Variants in CSMD2 observed in about 807,000 individuals in gnomAD.
The protein encoded by CSMD2 is CUB and Sushi multiple domains 2.
Under a neutral mutation model 398.5 loss-of-function variants are expected in CSMD2, and 130 were observed. The observed-to-expected ratio is 0.33, with a 90% confidence interval of 0.28 to 0.38. CSMD2 has a LOEUF of 0.38. Among genes scored for constraint, CSMD2 ranks in the 10% least tolerant of loss-of-function variants. The pLI, the probability that CSMD2 is intolerant of heterozygous loss-of-function variation, is 1.00. For missense variants in CSMD2, 3,829 were observed against 4,764.9 expected (o/e 0.80, Z 5.78); for synonymous variants, 1,828 against 1,908.5 (o/e 0.96, Z 1.10).
At chr1:33,525,428 G>A (rs28419044) in intron 65 of CSMD2, among the ~76,000 whole-genome samples, 24,635 of 152,184 alleles carry the variant, frequency 0.16, 2,527 homozygotes, top group East Asian at 0.37. Context: ...AGGACATTAT[G>A]TTAAGTGGAA....
intron 25 of CSMD2, among the ~76,000 whole-genome samples, chr1:33,680,837 G>T (rs1571205230): frequency 6.7e-6 from 1 of 149,144 alleles, no homozygotes. Context: ...AAACCACTGA[G>T]ATTTGGGGGT....
chr1:33,730,153 A>G (rs1646674243), intron 15 of CSMD2, among the ~76,000 whole-genome samples: 3 of 152,210 alleles, frequency 2.0e-5, no homozygotes, highest in South Asian at 2.1e-4. Context: ...ATTCTATATA[A>G]TATCATGGAG....
intron 5 of CSMD2, among the ~76,000 whole-genome samples, chr1:33,879,688 G>A (rs1195381516): frequency 2.0e-5 from 3 of 152,248 alleles, no homozygotes; most frequent in East Asian, 1.9e-4. Context: ...CATGAGCATT[G>A]GTTTTAGATG....
chr1:33,799,995 T>G (rs1655405192), intron 10 of CSMD2, among the ~76,000 whole-genome samples: 1 of 152,222 alleles, frequency 6.6e-6, no homozygotes, highest in Non-Finnish European at 1.5e-5. Context: ...TTCAGCATCT[T>G]GGCTTGGAAA....
At chr1:33,520,652 G>GGGGA (rs1426521240) in intron 68 of CSMD2, among the ~76,000 whole-genome samples, 1 of 152,246 alleles carries the variant, frequency 6.6e-6, no homozygotes, top group Non-Finnish European at 1.5e-5. Context: ...GACAACTCCG[G>GGGGA]GGGAGGAGCA....
At chr1:33,543,073 T>C (rs1370020955) in intron 57 of CSMD2, among the ~76,000 whole-genome samples, 177 bp from the exon 58 acceptor site, 2 of 152,198 alleles carry the variant, frequency 1.3e-5, no homozygotes, top group Non-Finnish European at 2.9e-5. Flanking sequence ...GAGACCCCTA[T>C]GAATCTTTTG....
chr1:33,953,671 C>G (rs997355574), intron 3 of CSMD2, among the ~76,000 whole-genome samples: 16 of 152,144 alleles, frequency 1.1e-4, no homozygotes, highest in African/African-American at 3.9e-4. Context: ...AGCCACAGGC[C>G]CCCGAGTTCA....
At chr1:33,676,256 C>T (rs1368037037) in intron 25 of CSMD2, among the ~76,000 whole-genome samples, 1 of 152,182 alleles carries the variant, frequency 6.6e-6, no homozygotes, top group African/African-American at 2.4e-5. Context: ...GCAACTTCAG[C>T]AAAGTCTCAG....
At chr1:33,669,183 G>T (rs1307614927) in intron 25 of CSMD2, among the ~76,000 whole-genome samples, 1 of 152,174 alleles carries the variant, frequency 6.6e-6, no homozygotes, top group Non-Finnish European at 1.5e-5. Flanking sequence ...GGTACCAAAG[G>T]CCTTTCTTTT....
At chr1:33,897,299 T>C (rs1025108998) in intron 5 of CSMD2, among the ~76,000 whole-genome samples, 1 of 152,092 alleles carries the variant, frequency 6.6e-6, no homozygotes, top group African/African-American at 2.4e-5. Flanking sequence ...ACATTGAAGG[T>C]GGTGGAAACA....
intron 3 of CSMD2, among the ~76,000 whole-genome samples, chr1:33,994,224 C>G (rs1371634181): frequency 6.6e-6 from 1 of 152,100 alleles, no homozygotes; most frequent in Non-Finnish European, 1.5e-5. Flanking sequence ...ATAAATAGGA[C>G]ATAATAATCC....
chr1:33,702,926 C>T (rs979885395), intron 22 of CSMD2, among the ~76,000 whole-genome samples: 3 of 152,124 alleles, frequency 2.0e-5, no homozygotes, highest in Non-Finnish European at 4.4e-5. Flanking sequence ...TTTAACCAAA[C>T]TCTGTTTGTA....
chr1:33,722,663 T>C lies in CSMD2; in HGVS notation c.3001+1534A>G, dbSNP rs141238500. On this transcript the variant is annotated intron_variant, in intron 19 of 70. Transcript: ENST00000373381. ...TCTTTGTGTGTCTGGTTGCTAATCC[T>C]TAGTCGATCACATGTTGCGATTTTT... is the stretch of plus-strand genomic sequence containing the variant. Among the ~76,000 whole-genome samples, 411 of 151,452 alleles carry C rather than the reference T, an allele frequency of 2.7e-3. 4 individuals carry two copies. The highest frequency in any genetic ancestry group is 9.6e-3 in the African/African-American group (397 of 41,176).
rs778887605 is a variant in CSMD2, at chr1:33,790,834, T to TATCTATC, written c.1550+1582_1550+1588dup. ...CTATCTATCTATCTATCTATCTATC[T>TATCTATC]ATCTATCTATCATCTATCTATCTAT... is the stretch of plus-strand genomic sequence containing the variant. On this transcript the variant is annotated intron_variant, in intron 11 of 70. Transcript: ENST00000373381. Among the ~76,000 whole-genome samples, 3 of 150,542 alleles carry TATCTATC rather than the reference T, an allele frequency of 2.0e-5. No individual in the cohort carries two copies. The East Asian group carries it at 5.9e-4, about 29-fold the overall frequency.
intron 19 of CSMD2, among the ~76,000 whole-genome samples, chr1:33,719,801 G>A (rs115990911): frequency 1.1e-4 from 17 of 152,262 alleles, no homozygotes; most frequent in East Asian, 5.8e-4. Context: ...ATTTACCCCC[G>A]AAGTGAGTCA....
intron 3 of CSMD2, among the ~76,000 whole-genome samples, chr1:34,029,124 G>C (rs139451760): frequency 1.3e-3 from 204 of 152,238 alleles, no homozygotes; most frequent in Non-Finnish European, 2.3e-3. Flanking sequence ...CATGAATAGC[G>C]AATATAAGGA....
upstream of CSMD2, chr1:34,165,352 C>G (rs1641794219): frequency 8.4e-7 from 1 of 1,197,418 alleles, no homozygotes; most frequent in Non-Finnish European, 1.0e-6. Flanking sequence ...CCGGATTAAT[C>G]ACTCCGGAGC....
chr1:33,800,367 G>A (rs1655446884), intron 10 of CSMD2, among the ~76,000 whole-genome samples: 1 of 152,088 alleles, frequency 6.6e-6, no homozygotes. Context: ...CCTCCAGCAG[G>A]TACTAAGAAG....
At chr1:33,672,959 TG>T (rs1372490996) in intron 25 of CSMD2, among the ~76,000 whole-genome samples, 1 of 152,194 alleles carries the variant, frequency 6.6e-6, no homozygotes, top group Non-Finnish European at 1.5e-5. Flanking sequence ...AAACCCCATC[TG>T]TACGTCACCA....
Sources: gnomAD v4.1 joint callset for allele counts (sites outside exome capture counted in the v4.1 genomes callset) on GRCh38, gnomAD v4.1.1 for gene constraint, MANE v1.5 for transcripts, NCBI Gene and HGNC (gene_info 2026-07-23, HGNC 2026-07-21) for gene names.